Variants in SYNJ2BP observed in about 807,000 individuals in gnomAD.
The protein encoded by SYNJ2BP is synaptojanin 2 binding protein.
A neutral mutation model predicts 16.9 loss-of-function variants in SYNJ2BP; 10 were observed. The observed-to-expected ratio is 0.59, with a 90% CI of 0.36 to 1.00. The LOEUF (loss-of-function observed/expected upper bound fraction) is 1.00, where lower values mean the gene tolerates loss of function less well. Ranked by LOEUF, SYNJ2BP falls within the 50% of genes least tolerant of loss-of-function variation. The probability of loss-of-function intolerance (pLI) is 0.01; values close to 1 mark genes in which losing one functional copy is unlikely to be tolerated. For synonymous variants in SYNJ2BP, 54 were observed against 68.4 expected (o/e 0.79, Z 1.04); for missense variants, 162 against 186.7 (o/e 0.87, Z 0.77).
At chr14:70,384,931 CT>C (rs1004830729) in intron 2 of SYNJ2BP, among the ~76,000 whole-genome samples, 1 of 152,116 alleles carries the variant, frequency 6.6e-6, no homozygotes. Flanking sequence ...GATACAGCCC[CT>C]GATATGTCTT....
rs951765425 is a variant in SYNJ2BP at position 70,370,593 on chromosome 14, G to A, written c.*2398C>T. ...TTTCAAAAGCCTTCCCTTTCCAATTGAGCCTGATGCCATTATGTGACATCT... is the reference window on the plus strand; with the variant it reads ...TTTCAAAAGCCTTCCCTTTCCAATTAAGCCTGATGCCATTATGTGACATCT... On this transcript the variant is annotated 3_prime_UTR_variant, in exon 4 of 4. Transcript: ENST00000256366. The A allele has an allele frequency of 3.3e-5, 5 of 152,154 alleles. No individual in the cohort carries two copies. Among genetic ancestry groups the A allele is most frequent in the African/African-American group, 9.7e-5 (4 of 41,422 alleles). 9.4% of individuals were successfully genotyped at this position (152,154 alleles called of 1,614,324 possible).
intron 1 of SYNJ2BP, among the ~76,000 whole-genome samples, chr14:70,393,227 A>G (rs776329534): frequency 1.3e-5 from 2 of 152,258 alleles, no homozygotes; most frequent in African/African-American, 4.8e-5. Flanking sequence ...ATCACTGCTC[A>G]TTAGAGAAAT....
intron 2 of SYNJ2BP, among the ~76,000 whole-genome samples, chr14:70,387,781 A>G (rs1392400789): frequency 6.6e-6 from 1 of 151,720 alleles, no homozygotes. Flanking sequence ...CGGTGAGCCA[A>G]GATTACGACC....
chr14:70,381,688 C>G (rs1887753375), intron 2 of SYNJ2BP, among the ~76,000 whole-genome samples: 1 of 152,180 alleles, frequency 6.6e-6, no homozygotes, highest in Admixed American at 6.6e-5. Flanking sequence ...CACCTGGGAA[C>G]CTGTTAAAAA....
rs1197958668 is a variant in SYNJ2BP at position 70,372,869 on chromosome 14, G to A, written c.*122C>T. 7.1e-7 allele frequency: 1 copy of A among 1,399,602 alleles called. No homozygotes were observed. The highest frequency in any genetic ancestry group is 9.7e-7 in the Non-Finnish European group (1 of 1,032,098). The allele number at this position is 1,399,602 out of a possible 1,614,324, so 86.7% of individuals were successfully genotyped here. On this transcript the variant is annotated 3_prime_UTR_variant, in exon 4 of 4. Transcript: ENST00000256366. ...TGGAGACTGTGAACAGCAAGGTTTG[G>A]GGTGGGTATCAGTCACTTCAAATCT...
chr14:70,376,065 T>C (rs1887622962), intron 2 of SYNJ2BP, among the ~76,000 whole-genome samples: 1 of 152,234 alleles, frequency 6.6e-6, no homozygotes, highest in Admixed American at 6.5e-5. Context: ...TGGGAATCTG[T>C]TACCGTATTA....
intron 1 of SYNJ2BP, among the ~76,000 whole-genome samples, chr14:70,399,140 C>T (rs537586216): frequency 3.5e-4 from 54 of 152,170 alleles, no homozygotes; most frequent in Non-Finnish European, 6.6e-4. Context: ...GCAGGCGCCG[C>T]TCCCACTTCC....
At chr14:70,392,207 ATG>A (rs1887993703) in intron 1 of SYNJ2BP, among the ~76,000 whole-genome samples, 2 of 152,226 alleles carry the variant, frequency 1.3e-5, no homozygotes, top group South Asian at 4.1e-4. Context: ...AACATTTACT[ATG>A]TGTTAGGCAT....
At chr14:70,413,655 AG>A (rs1888538969) in intron 1 of SYNJ2BP, among the ~76,000 whole-genome samples, 2 of 152,312 alleles carry the variant, frequency 1.3e-5, no homozygotes. Context: ...GAAGAACAAA[AG>A]AAAGTAATTG....
chr14:70,390,824 G>GA (rs746230317), intron 1 of SYNJ2BP, among the ~76,000 whole-genome samples: 3 of 151,884 alleles, frequency 2.0e-5, no homozygotes, highest in Non-Finnish European at 2.9e-5. Flanking sequence ...GACACAACAG[G>GA]AAACATTTAA....
intron 2 of SYNJ2BP, among the ~76,000 whole-genome samples, chr14:70,380,907 T>G (rs962961088): frequency 6.6e-6 from 1 of 152,164 alleles, no homozygotes; most frequent in Non-Finnish European, 1.5e-5. Flanking sequence ...AAAGTCCAAA[T>G]TGAACTCTGC....
At chr14:70,392,712 T>C (rs910612604) in intron 1 of SYNJ2BP, among the ~76,000 whole-genome samples, 1 of 152,222 alleles carries the variant, frequency 6.6e-6, no homozygotes, top group Non-Finnish European at 1.5e-5. Context: ...ACTTATTAAG[T>C]ACGTCTATGG....
chr14:70,391,425 T>C (rs1412279363), intron 1 of SYNJ2BP, among the ~76,000 whole-genome samples: 5 of 152,170 alleles, frequency 3.3e-5, no homozygotes, highest in African/African-American at 1.2e-4. Flanking sequence ...GTAGGAAGTA[T>C]TGGAGAAGGT....
At position 70,369,021 on chromosome 14, in the gene SYNJ2BP, AAC is replaced by A. The variant is rs1393159922; in HGVS notation, c.*3968_*3969del. On this transcript the variant is annotated 3_prime_UTR_variant, in exon 4 of 4. Transcript: ENST00000256366. ...ATCAGTCACCTGGAAGGATTACAAA[AAC>A]ACAGATTGTGAGATGCCACGCTCAG... 1 of 152,226 alleles carries A rather than the reference AAC, an allele frequency of 6.6e-6. No homozygotes were observed. The highest frequency in any genetic ancestry group is 1.5e-5 in the Non-Finnish European group (1 of 68,034). 9.4% of individuals were successfully genotyped at this position (152,226 alleles called of 1,614,324 possible). A position where few individuals can be genotyped will look rare whatever the true frequency, so the allele number is the denominator to read the frequency against.
chr14:70,401,296 A>C (rs1888229805), intron 1 of SYNJ2BP, among the ~76,000 whole-genome samples: 1 of 152,194 alleles, frequency 6.6e-6, no homozygotes, highest in Admixed American at 6.5e-5. Context: ...CTCTGGTCAG[A>C]AGTCAGCTTA....
chr14:70,402,566 A>T (rs1310763106), intron 1 of SYNJ2BP, among the ~76,000 whole-genome samples: 1 of 151,996 alleles, frequency 6.6e-6, no homozygotes, highest in Non-Finnish European at 1.5e-5. Flanking sequence ...TCACTGGGAC[A>T]ACAGGTGGTG....
At chr14:70,413,337 T>C (rs569228857) in intron 1 of SYNJ2BP, among the ~76,000 whole-genome samples, 3 of 152,294 alleles carry the variant, frequency 2.0e-5, no homozygotes, top group African/African-American at 7.2e-5. Context: ...GGTTCTGCCA[T>C]TGAAAGTAGT....
chr14:70,390,282 T>C (rs1334795522), intron 1 of SYNJ2BP, among the ~76,000 whole-genome samples: 1 of 152,160 alleles, frequency 6.6e-6, no homozygotes, highest in African/African-American at 2.4e-5. Flanking sequence ...AGGAGATAGT[T>C]TGGAAACAAA....
At chr14:70,402,087 T>G (rs1888251774) in intron 1 of SYNJ2BP, among the ~76,000 whole-genome samples, 1 of 152,164 alleles carries the variant, frequency 6.6e-6, no homozygotes, top group African/African-American at 2.4e-5. Flanking sequence ...ACTCCCTTTT[T>G]GGGGTATTCT....
Sources: allele counts gnomAD v4.1 joint callset (sites outside exome capture counted in the v4.1 genomes callset), GRCh38; gene constraint gnomAD v4.1.1; transcripts MANE v1.5; gene names NCBI Gene and HGNC (gene_info 2026-07-23, HGNC 2026-07-21).